NPAS2: variants seen among roughly 807,000 people sequenced by gnomAD.
NPAS2 encodes the protein neuronal PAS domain-containing protein 2.
Under a neutral mutation model 107.5 loss-of-function variants are expected in NPAS2, and 23 were observed. The observed-to-expected ratio is 0.21, with a 90% confidence interval of 0.15 to 0.30. The LOEUF is 0.30. Ranked by LOEUF, NPAS2 falls within the 10% of genes least tolerant of loss-of-function variation. The pLI, the probability that NPAS2 is intolerant of heterozygous loss-of-function variation, is 1.00. For missense variants in NPAS2, 756 were observed against 1,043.3 expected, an observed-to-expected ratio of 0.72 and a Z score of 3.79; for synonymous variants, 403 against 417.5, an observed-to-expected ratio of 0.97 and a Z score of 0.42.
chr2:100,947,345 G>T (rs1404405265), intron 5 of NPAS2, among the ~76,000 whole-genome samples: 2 of 152,146 alleles, frequency 1.3e-5, no homozygotes, highest in Admixed American at 1.3e-4. Context: ...GAGGTCAGGA[G>T]TTCAAGACCA....
At chr2:100,858,386 G>A (rs1473590931) in intron 1 of NPAS2, among the ~76,000 whole-genome samples, 2 of 152,186 alleles carry the variant, frequency 1.3e-5, no homozygotes, top group Non-Finnish European at 2.9e-5. Context: ...TTAAAAAACT[G>A]CAGAGAAAAA....
chr2:100,909,446 T>C (rs1183100086), intron 2 of NPAS2, among the ~76,000 whole-genome samples: 1 of 152,194 alleles, frequency 6.6e-6, no homozygotes, highest in Admixed American at 6.5e-5. Flanking sequence ...TTTCTTTGGA[T>C]ATAAATTCTG....
In NPAS2 at chr2:100,853,177, C is replaced by T. The variant is rs76203072; in HGVS notation, c.-23+32763C>T. 4.0e-3 allele frequency among the ~76,000 whole-genome samples: 609 copies of T among 152,262 alleles called. 6 individuals carry two copies. Among genetic ancestry groups the T allele is most frequent in the East Asian group, 0.015 (79 of 5,172 alleles). Reference sequence around the variant, plus strand: ...ATAAATTGTGGTCAAGGGAGTGTATCGATCAAACACCAGAAGGCTCCTCTC... The same window carrying T: ...ATAAATTGTGGTCAAGGGAGTGTATTGATCAAACACCAGAAGGCTCCTCTC... On this transcript the variant is annotated intron_variant, in intron 1 of 20. Coordinates refer to ENST00000335681, the MANE Select transcript of NPAS2 (RefSeq NM_002518.4).
At chr2:100,852,778 C>T (rs924643246) in intron 1 of NPAS2, among the ~76,000 whole-genome samples, 3 of 152,118 alleles carry the variant, frequency 2.0e-5, no homozygotes, top group Non-Finnish European at 2.9e-5. Context: ...TGAGCAAAAT[C>T]GCAAGTATGG....
chr2:100,920,604 G>A lies in NPAS2; in HGVS notation c.33-4542G>A, dbSNP rs530001638. On this transcript the variant is annotated intron_variant, in intron 2 of 20. Coordinates refer to ENST00000335681, the MANE Select transcript of NPAS2 (RefSeq NM_002518.4). ...ATCCCCATATCTCAGTAAAGCTGAC[G>A]TGCTCATCACAGAGCTGCTGGCCCC... is the stretch of plus-strand genomic sequence containing the variant. Among the ~76,000 whole-genome samples the A allele has an allele frequency of 7.9e-5, 12 of 152,224 alleles. No individual in the cohort carries two copies. The South Asian group carries it at 1.7e-3, about 21-fold the overall frequency.
chr2:100,897,842 A>G (rs1169780109), intron 1 of NPAS2, among the ~76,000 whole-genome samples: 1 of 152,182 alleles, frequency 6.6e-6, no homozygotes, highest in Non-Finnish European at 1.5e-5. Flanking sequence ...CTTTGCTCAC[A>G]GTGGGTTCCC....
intron 1 of NPAS2, among the ~76,000 whole-genome samples, chr2:100,854,115 A>G (rs1573470989): frequency 1.4e-5 from 2 of 138,256 alleles, no homozygotes; most frequent in African/African-American, 2.8e-5. Context: ...GCACCACTGC[A>G]CTCCAGCCTC....
intron 7 of NPAS2, among the ~76,000 whole-genome samples, chr2:100,953,015 G>A (rs548278717): frequency 1.3e-5 from 2 of 152,124 alleles, no homozygotes; most frequent in South Asian, 2.1e-4. Flanking sequence ...TGTGGAGTAC[G>A]TGAAATATCA....
At chr2:100,977,892 AG>A (rs1677126576) in intron 15 of NPAS2, 93 bp downstream of exon 15, 1 of 1,091,808 alleles carries the variant, frequency 9.2e-7, no homozygotes, top group South Asian at 1.3e-5. Context: ...GTCCCAACCA[AG>A]GCCCTGACGT....
intron 2 of NPAS2, among the ~76,000 whole-genome samples, chr2:100,924,935 T>C (rs1391665463): frequency 1.3e-5 from 2 of 152,244 alleles, no homozygotes; most frequent in Admixed American, 6.5e-5. Context: ...TTACTGGTTA[T>C]TAATGCTGTC....
At chr2:100,972,947 G>A (rs1285981036) in intron 12 of NPAS2, 1 of 152,244 alleles carries the variant, frequency 6.6e-6, no homozygotes, top group Non-Finnish European at 1.5e-5. Context: ...TTGGGAGGCT[G>A]AGGCGGGCAG....
At chr2:100,887,871 A>G (rs539560211) in intron 1 of NPAS2, among the ~76,000 whole-genome samples, 1 of 152,204 alleles carries the variant, frequency 6.6e-6, no homozygotes, top group African/African-American at 2.4e-5. Flanking sequence ...GTTCATCACC[A>G]TGGAAGAACT....
intron 20 of NPAS2, chr2:100,995,105 C>T (rs1179182536): frequency 1.0e-5 from 4 of 397,846 alleles, no homozygotes; most frequent in South Asian, 9.2e-5. Context: ...ATCATGTGCA[C>T]GTGTTTACGA....
chr2:100,990,692 C>A, intron 18 of NPAS2, 88 bp from the exon 19 acceptor site: 2 of 1,271,242 alleles, frequency 1.6e-6, no homozygotes, highest in Non-Finnish European at 2.3e-6. Flanking sequence ...CATAAAGGGT[C>A]CAGCCAGGCT....
At chr2:100,858,242 T>C (rs2104513398) in intron 1 of NPAS2, among the ~76,000 whole-genome samples, 1 of 152,272 alleles carries the variant, frequency 6.6e-6, no homozygotes, top group East Asian at 1.9e-4. Context: ...GAGGATGCTA[T>C]CCATATTTTA....
At chr2:100,901,895 G>A (rs1224009735) in intron 1 of NPAS2, among the ~76,000 whole-genome samples, 1 of 151,982 alleles carries the variant, frequency 6.6e-6, no homozygotes, top group Admixed American at 6.6e-5. Context: ...CACACACCTC[G>A]TGACTGTCTA....
At chr2:100,935,139 A>G (rs1485259945) in intron 4 of NPAS2, 4 of 972,650 alleles carry the variant, frequency 4.1e-6, no homozygotes, top group East Asian at 1.1e-4. Flanking sequence ...CTGGTAAAGT[A>G]TCAGCTGGCA....
intron 1 of NPAS2, among the ~76,000 whole-genome samples, chr2:100,870,565 T>G (rs991486612): frequency 6.6e-5 from 10 of 152,074 alleles, no homozygotes; most frequent in Admixed American, 3.9e-4. Flanking sequence ...CTGGTGAATT[T>G]TTGTGTTTTT....
intron 1 of NPAS2, among the ~76,000 whole-genome samples, chr2:100,854,302 T>A (rs1187409814): frequency 1.3e-5 from 2 of 150,296 alleles, no homozygotes. Flanking sequence ...GTTGTGGGAG[T>A]GGCTGAAACC....
Sources: allele counts gnomAD v4.1 joint callset (sites outside exome capture counted in the v4.1 genomes callset), GRCh38; gene constraint gnomAD v4.1.1; transcripts MANE v1.5; gene names NCBI Gene and HGNC (gene_info 2026-07-23, HGNC 2026-07-21).